SHANK2: variants seen among roughly 807,000 people sequenced by gnomAD.
SHANK2 encodes the protein SH3 and multiple ankyrin repeat domains 2, also known as SH3 and multiple ankyrin repeat domains protein 2.
Under a neutral mutation model 133.7 loss-of-function variants are expected in SHANK2, and 43 were observed. The observed-to-expected ratio is 0.32, with a 90% CI of 0.25 to 0.41. The LOEUF is 0.41. SHANK2 is among the 10% of genes least tolerant of loss of function. SHANK2 has a pLI of 1.00. For synonymous variants in SHANK2, 1,017 were observed against 952.8 expected, an observed-to-expected ratio of 1.07 and a Z score of -1.24; for missense variants, 1,994 against 2,235.8, an observed-to-expected ratio of 0.89 and a Z score of 2.18.
At chr11:71,135,676 G>A (rs1459783178) in intron 3 of SHANK2, among the ~76,000 whole-genome samples, 4 of 151,980 alleles carry the variant, frequency 2.6e-5, no homozygotes, top group Non-Finnish European at 4.4e-5. Flanking sequence ...GGCTGGTCTC[G>A]GACTCCTGAC....
At chr11:70,572,451 T>C (rs768588150) in intron 17 of SHANK2, among the ~76,000 whole-genome samples, 3 of 152,174 alleles carry the variant, frequency 2.0e-5, no homozygotes, top group Non-Finnish European at 4.4e-5. Flanking sequence ...TGAGCCACCA[T>C]GCCTGGTCAC....
chr11:70,753,357 C>T (rs1555037899), intron 14 of SHANK2, among the ~76,000 whole-genome samples: 1 of 152,090 alleles, frequency 6.6e-6, no homozygotes, highest in African/African-American at 2.4e-5. Flanking sequence ...CCGCACTCAA[C>T]AATAACGAGC....
chr11:71,198,455 G>A (rs1302599987), intron 2 of SHANK2, among the ~76,000 whole-genome samples: 1 of 152,200 alleles, frequency 6.6e-6, no homozygotes, highest in Non-Finnish European at 1.5e-5. Flanking sequence ...GTCTCTAGCG[G>A]GGCCTCCAAG....
intron 14 of SHANK2, among the ~76,000 whole-genome samples, chr11:70,720,079 G>A (rs1946041802): frequency 2.0e-5 from 3 of 152,182 alleles, no homozygotes; most frequent in Admixed American, 2.0e-4. Context: ...AGCTCCTGCT[G>A]GAAGGCAGAG....
intron 9 of SHANK2, among the ~76,000 whole-genome samples, chr11:71,068,791 A>G (rs1424068347): frequency 6.6e-6 from 1 of 152,148 alleles, no homozygotes; most frequent in Admixed American, 6.5e-5. Flanking sequence ...GTTCTGCTGC[A>G]CTGCCATCAC....
chr11:70,658,869 T>TC (rs1407167765), intron 17 of SHANK2, among the ~76,000 whole-genome samples: 1 of 152,216 alleles, frequency 6.6e-6, no homozygotes, highest in Non-Finnish European at 1.5e-5. Context: ...ACCCACCCCT[T>TC]CCACCTGCAT....
intron 17 of SHANK2, among the ~76,000 whole-genome samples, chr11:70,591,470 C>T (rs1483980501): frequency 6.6e-6 from 1 of 152,082 alleles, no homozygotes; most frequent in Admixed American, 6.5e-5. Flanking sequence ...AGATAAATTA[C>T]AGGAGTAAGC....
intron 17 of SHANK2, among the ~76,000 whole-genome samples, chr11:70,632,300 T>A (rs1486740336): frequency 2.0e-5 from 3 of 151,976 alleles, no homozygotes; most frequent in Non-Finnish European, 4.4e-5. Context: ...TTTTTTTTTG[T>A]ATTTTTAGTA....
chr11:70,720,245 G>C (rs116333906), intron 14 of SHANK2, among the ~76,000 whole-genome samples: 84 of 152,332 alleles, frequency 5.5e-4, no homozygotes, highest in African/African-American at 2.0e-3. Flanking sequence ...ACTGTACAAA[G>C]TGCCACGGTC....
At chr11:70,628,080 C>T (rs955311053) in intron 17 of SHANK2, among the ~76,000 whole-genome samples, 5 of 152,212 alleles carry the variant, frequency 3.3e-5, no homozygotes, top group African/African-American at 4.8e-5. Context: ...CTGCCTCAGC[C>T]TCCTGAGTAG....
intron 17 of SHANK2, among the ~76,000 whole-genome samples, chr11:70,590,613 G>T (rs1170779730): frequency 7.2e-5 from 11 of 152,218 alleles, no homozygotes; most frequent in African/African-American, 2.7e-4. Flanking sequence ...CTCTCCAACA[G>T]CAAAATTATG....
chr11:71,124,621 G>A (rs1434814703), intron 3 of SHANK2, among the ~76,000 whole-genome samples: 1 of 152,020 alleles, frequency 6.6e-6, no homozygotes, highest in Non-Finnish European at 1.5e-5. Context: ...ACTACCCCAA[G>A]GTCACACTTC....
rs374247050 is a variant in SHANK2, at chr11:70,698,709, T to C, written c.1832A>G (p.Tyr611Cys). ...KLFRHYTVGSYDSFDTSSDCI... is the reference protein window; with the variant it reads ...KLFRHYTVGSCDSFDTSSDCI... ...TTACCTGGAAGTGTCGAAGCTGTCA[T>C]AGGAGCCCACGGTGTAGTGCCTGAA... The change falls in exon 15 of 26, where the codon TAT becomes TGT. Residue 611 changes from tyrosine (Y) to cysteine (C), a missense_variant. Tyr to Cys is a radical substitution (Grantham distance 194). Coordinates refer to ENST00000601538, the MANE Select transcript of SHANK2 (RefSeq NM_012309.5). The C allele has an allele frequency of 1.4e-6, 1 of 718,650 alleles. No individual in the cohort carries two copies. 44.5% of individuals were successfully genotyped at this position (718,650 alleles called of 1,614,324 possible). A position where few individuals can be genotyped will look rare whatever the true frequency, so the allele number is the denominator to read the frequency against.
intron 17 of SHANK2, among the ~76,000 whole-genome samples, chr11:70,633,048 C>T (rs1591676974): frequency 6.6e-6 from 1 of 152,050 alleles, no homozygotes; most frequent in East Asian, 1.9e-4. Context: ...GAGGGGGCTG[C>T]CACTGGGCAC....
intron 10 of SHANK2, among the ~76,000 whole-genome samples, chr11:70,955,422 G>GTGTGT (rs1950904837): frequency 6.8e-6 from 1 of 146,458 alleles, no homozygotes; most frequent in African/African-American, 2.6e-5. Context: ...AGACCCACGG[G>GTGTGT]GTGTGTGTGT....
At chr11:70,815,784 G>A (rs911464767) in intron 12 of SHANK2, among the ~76,000 whole-genome samples, 1 of 152,222 alleles carries the variant, frequency 6.6e-6, no homozygotes, top group Admixed American at 6.5e-5. Flanking sequence ...ACTTGAGGGT[G>A]TGACCTGAGG....
At chr11:71,118,545 A>G (rs529085078) in intron 4 of SHANK2, among the ~76,000 whole-genome samples, 115 of 151,900 alleles carry the variant, frequency 7.6e-4, no homozygotes, top group Non-Finnish European at 1.1e-3. Context: ...CTATCATGAG[A>G]ACAGCATGGG....
In SHANK2 at chr11:70,689,470, C is replaced by T. The variant is rs75955930; in HGVS notation, c.1853+9218G>A. 4.6e-3 allele frequency among the ~76,000 whole-genome samples: 694 copies of T among 152,180 alleles called. 18 individuals are homozygous for T. In the East Asian group the frequency reaches 0.081, roughly 18 times the overall value. The stretch of plus-strand genomic sequence containing the variant: ...CAATGAGCTCAATGTGCAAAGGAAG[C>T]GCACACTCACATCCACCATCAGATT... On this transcript the variant is annotated intron_variant, in intron 15 of 25. Transcript: ENST00000601538.
chr11:70,677,662 C>T (rs1274658628), intron 15 of SHANK2, among the ~76,000 whole-genome samples: 1 of 152,138 alleles, frequency 6.6e-6, no homozygotes, highest in African/African-American at 2.4e-5. Context: ...AAGAAGCGGG[C>T]AGGCAGGGAA....
Sources: allele counts gnomAD v4.1 joint callset (sites outside exome capture counted in the v4.1 genomes callset), GRCh38; gene constraint gnomAD v4.1.1; transcripts MANE v1.5; gene names NCBI Gene and HGNC (gene_info 2026-07-23, HGNC 2026-07-21).